The following CPEB2 variants were observed in gnomAD, a reference collection of about 807,000 sequenced individuals.
CPEB2 encodes cytoplasmic polyadenylation element-binding protein 2.
In CPEB2, 56 loss-of-function variants were observed where a neutral mutation model predicts 93.6. That is an observed-to-expected ratio of 0.60 (90% CI 0.48 to 0.75). The LOEUF is 0.75. Among genes scored for constraint, CPEB2 ranks in the 30% least tolerant of loss-of-function variants. CPEB2 has a pLI of 0.00. For missense variants in CPEB2, 1,579 were observed against 1,395.1 expected (o/e 1.13, Z -2.10); for synonymous variants, 764 against 586.3 (o/e 1.30, Z -4.38).
chr4:15,038,901 C>T (rs1386629746), intron 5 of CPEB2, among the ~76,000 whole-genome samples: 1 of 152,102 alleles, frequency 6.6e-6, no homozygotes, highest in Non-Finnish European at 1.5e-5. Context: ...ATAGTCTATT[C>T]TTGATCACTC....
intron 4 of CPEB2, among the ~76,000 whole-genome samples, chr4:15,018,967 T>TATATATATAC (rs1724504585): frequency 9.1e-6 from 1 of 110,484 alleles, no homozygotes; most frequent in Non-Finnish European, 1.9e-5. Flanking sequence ...TATATATATA[T>TATATATATAC]ATACACACGC....
rs1722952926 is a variant in CPEB2 at position 15,007,368 on chromosome 4, T to C, written c.1726T>C (p.Ser576Pro). 1 of 1,611,082 alleles carries C rather than the reference T, an allele frequency of 6.2e-7. No homozygotes were observed. The highest frequency in any genetic ancestry group is 1.3e-5 in the African/African-American group (1 of 74,870). ...QSSGWGTGSM[S>P]WGAMHGRDHR... ...CAGTGGCTGGGGCACTGGAAGTATG[T>C]CCTGGGGAGCAATGCATGGCAGAGA... The change falls in exon 2 of 12, where the codon TCC (serine) becomes CCC (proline). Residue 576 changes from serine (S) to proline (P), a missense_variant. Transcript: ENST00000538197.
At chr4:15,037,126 C>T (rs1366220264) in intron 5 of CPEB2, among the ~76,000 whole-genome samples, 1 of 152,028 alleles carries the variant, frequency 6.6e-6, no homozygotes, top group African/African-American at 2.4e-5. Context: ...CACGGTGAAA[C>T]CCCGTCTCTA....
chr4:15,065,767 G>A (rs184458497), intron 11 of CPEB2, among the ~76,000 whole-genome samples: 15 of 152,166 alleles, frequency 9.9e-5, no homozygotes, highest in South Asian at 6.2e-4. Flanking sequence ...GAGAGGCGCC[G>A]CCTTAATCAG....
Position 15,003,237 on chromosome 4 carries a change from C to T in CPEB2, c.564C>T (p.Pro188=). The change falls in exon 1 of 12, where the codon CCC becomes CCT. Residue 188 remains proline, a synonymous_variant. Transcript: ENST00000538197. ...KRKEFSPPHL[P]HPPDSKPPPP... ...AAGAGTTCAGCCCTCCCCACCTTCC[C>T]CACCCTCCGGACTCGAAGCCGCCGC... 6.5e-7 allele frequency: 1 copy of T among 1,528,250 alleles called. No individual in the cohort carries two copies. The highest frequency in any genetic ancestry group is 8.7e-7 in the Non-Finnish European group (1 of 1,144,294). The allele number at this position is 1,528,250 out of a possible 1,614,324, so 94.7% of individuals were successfully genotyped here.
chr4:15,036,545 C>A (rs1435500766), intron 5 of CPEB2, among the ~76,000 whole-genome samples: 1 of 152,066 alleles, frequency 6.6e-6, no homozygotes, highest in South Asian at 2.1e-4. Context: ...AAAAACCCTG[C>A]CTTCCATAGT....
chr4:15,051,290 TGTCTC>T (rs1300551394), intron 6 of CPEB2, among the ~76,000 whole-genome samples: 1 of 152,210 alleles, frequency 6.6e-6, no homozygotes, highest in Admixed American at 6.5e-5. Flanking sequence ...ACCTACTAAA[TGTCTC>T]GTTAGCCTGT....
At chr4:15,042,968 G>T (rs1358526281) in intron 6 of CPEB2, among the ~76,000 whole-genome samples, 1 of 152,098 alleles carries the variant, frequency 6.6e-6, no homozygotes, top group African/African-American at 2.4e-5. Context: ...TTCTGTTCAT[G>T]TCGGATGTGT....
rs527806871 is a variant in CPEB2 at position 15,061,823 on chromosome 4, C to T, written c.2696-256C>T. Among the ~76,000 whole-genome samples the T allele has an allele frequency of 2.9e-4, 42 of 146,046 alleles. No individual in the cohort carries two copies. In the South Asian group the frequency reaches 9.8e-3, roughly 34 times the overall value. On this transcript the variant is annotated intron_variant, in intron 10 of 11. Coordinates refer to ENST00000538197, the MANE Select transcript of CPEB2 (RefSeq NM_001177382.2). ...TTTAGGAAAGAGCATGGAACTATTT[C>T]TCTATAGGACAGAAGATAGAGTATA...
chr4:15,066,300 C>T lies in CPEB2; in HGVS notation c.3025C>T (p.Arg1009Cys). ...CEFCWANIHS[R>C]AGREFHKPLV... is the part of the protein sequence containing the mutation. ...GTTTTGTTGGGCAAATATCCACTCT[C>T]GTGCTGGACGTGAGTTCCATAAGCC... The change falls in exon 12 of 12, where the codon CGT becomes TGT. Residue 1009 changes from arginine to cysteine, a missense_variant. This residue lies in a region of CPEB2 where 168 missense variants were observed against 339.1 expected (regional missense o/e 0.50). Coordinates refer to ENST00000538197, the MANE Select transcript of CPEB2 (RefSeq NM_001177382.2). 4 of 1,613,406 alleles carry T rather than the reference C, an allele frequency of 2.5e-6. No homozygotes were observed. Among genetic ancestry groups the T allele is most frequent in the Non-Finnish European group, 3.4e-6 (4 of 1,179,640 alleles).
At chr4:15,026,352 A>C (rs1725478889) in intron 4 of CPEB2, among the ~76,000 whole-genome samples, 1 of 151,040 alleles carries the variant, frequency 6.6e-6, no homozygotes, top group African/African-American at 2.4e-5. Context: ...TCAGCTTCCC[A>C]AGTAACTGGG....
At chr4:15,015,156 A>C (rs745742272) in intron 3 of CPEB2, among the ~76,000 whole-genome samples, 10 of 152,060 alleles carry the variant, frequency 6.6e-5, no homozygotes, top group Non-Finnish European at 1.5e-4. Context: ...TTAGAAATAC[A>C]TACTCTCAGG....
At chr4:15,040,530 G>C (rs545512663) in intron 6 of CPEB2, 43 bp downstream of exon 6, 1 of 1,497,092 alleles carries the variant, frequency 6.7e-7, no homozygotes, top group African/African-American at 1.4e-5. Context: ...TTTCTAATGG[G>C]GTTTACTGAT....
At chr4:15,039,520 T>C (rs1412052979) in intron 5 of CPEB2, among the ~76,000 whole-genome samples, 1 of 152,024 alleles carries the variant, frequency 6.6e-6, no homozygotes, top group Non-Finnish European at 1.5e-5. Context: ...TAACAGTCTT[T>C]GTTTGTTTAC....
At chr4:15,013,556 C>T (rs1312438176) in intron 3 of CPEB2, among the ~76,000 whole-genome samples, 1 of 151,960 alleles carries the variant, frequency 6.6e-6, no homozygotes, top group Non-Finnish European at 1.5e-5. Flanking sequence ...TTCCTAATGT[C>T]TGTATTTCAG....
chr4:15,023,632 A>G (rs982276284), intron 4 of CPEB2, among the ~76,000 whole-genome samples: 1 of 152,016 alleles, frequency 6.6e-6, no homozygotes, highest in Middle Eastern at 3.2e-3. Flanking sequence ...ATATATTTAC[A>G]TAATTTTGAA....
At chr4:15,050,071 A>C (rs917028090) in intron 6 of CPEB2, among the ~76,000 whole-genome samples, 1 of 152,204 alleles carries the variant, frequency 6.6e-6, no homozygotes, top group African/African-American at 2.4e-5. Context: ...CTGTTTGTTT[A>C]ATATATAGAC....
Position 15,058,451 on chromosome 4 carries a change from G to A in CPEB2, c.2492G>A (p.Ser831Asn), listed in dbSNP as rs1577465614. The part of the protein sequence containing the change: ...GYAFLLFQEE[S>N]SVQALIDACI... ...GCATTTCTTCTCTTTCAAGAAGAGA[G>A]CTCAGTTCAGGCACTCATTGATGCT... The change falls in exon 9 of 12, where the codon AGC becomes AAC. Residue 831 changes from serine to asparagine, a missense_variant. Around this residue, in one of 2 missense-constraint regions of CPEB2, gnomAD observed 168 missense variants for 339.1 expected, o/e 0.50. Transcript: ENST00000538197. 1.2e-6 allele frequency: 2 copies of A among 1,610,980 alleles called. No individual in the cohort carries two copies. The highest frequency in any genetic ancestry group is 1.7e-4 in the Middle Eastern group (1 of 6,050).
rs1364028025 is a variant in CPEB2, at chr4:15,062,190, A to G, written c.2807A>G (p.Asn936Ser). The G allele has an allele frequency of 1.1e-5, 17 of 1,613,022 alleles. No individual in the cohort carries two copies. Among genetic ancestry groups the G allele is most frequent in the East Asian group, 4.5e-5 (2 of 44,834 alleles). The change falls in exon 11 of 12, where the codon AAT (asparagine) becomes AGT (serine). Residue 936 changes from asparagine to serine, a missense_variant. Around this residue, in one of 2 missense-constraint regions of CPEB2, gnomAD observed 168 missense variants for 339.1 expected, o/e 0.50. Coordinates refer to ENST00000538197, the MANE Select transcript of CPEB2 (RefSeq NM_001177382.2). ...GGTGCTGGGCGAGTTGCTTTCTCCA[A>G]TCAGCAGAGCTATATTGCTGCCATT... Reference protein sequence around the residue: ...PKGAGRVAFSNQQSYIAAISA... With the variant: ...PKGAGRVAFSSQQSYIAAISA...
Sources: gnomAD v4.1 joint callset for allele counts (sites outside exome capture counted in the v4.1 genomes callset) on GRCh38, gnomAD v4.1.1 for gene constraint, gnomAD v4.1.1 regional missense constraint, MANE v1.5 for transcripts, NCBI Gene and HGNC (gene_info 2026-07-23, HGNC 2026-07-21) for gene names.